TENM4: variants seen among roughly 807,000 people sequenced by gnomAD.
TENM4 encodes teneurin transmembrane protein 4.
In TENM4, 82 loss-of-function variants were observed where a neutral mutation model predicts 243.3. The ratio of observed to expected loss-of-function variants is 0.34; its 90% CI spans 0.28 to 0.40. TENM4 has a LOEUF of 0.40. Among genes scored for constraint, TENM4 ranks in the 10% least tolerant of loss-of-function variants. The pLI, the probability that TENM4 is intolerant of heterozygous loss-of-function variation, is 1.00. For synonymous variants in TENM4, 1,412 were observed against 1,456.3 expected, an observed-to-expected ratio of 0.97 and a Z score of 0.69; for missense variants, 3,138 against 3,673.3, an observed-to-expected ratio of 0.85 and a Z score of 3.77.
chr11:79,115,451 T>G (rs2137116730), intron 4 of TENM4, among the ~76,000 whole-genome samples: 2 of 152,364 alleles, frequency 1.3e-5, no homozygotes, highest in Non-Finnish European at 2.9e-5. Flanking sequence ...CTAGCTCAGG[T>G]CTTCATTTCC....
chr11:78,868,187 A>C (rs1859033799), intron 9 of TENM4, among the ~76,000 whole-genome samples: 1 of 152,146 alleles, frequency 6.6e-6, no homozygotes, highest in Non-Finnish European at 1.5e-5. Flanking sequence ...ATGTTCCCTG[A>C]AGAATGAACG....
At chr11:79,092,986 A>T (rs1003326411) in intron 4 of TENM4, 2 of 152,224 alleles carry the variant, frequency 1.3e-5, no homozygotes, top group Non-Finnish European at 2.9e-5. Context: ...ACAGAATTAC[A>T]TGTCAAGAGT....
chr11:79,071,561 G>C (rs1346211265), intron 4 of TENM4, among the ~76,000 whole-genome samples: 1 of 152,114 alleles, frequency 6.6e-6, no homozygotes, highest in Non-Finnish European at 1.5e-5. Context: ...TTAAAATGTT[G>C]ATCCATTATT....
At chr11:79,422,195 G>A (rs191025460) in intron 1 of TENM4, 43 of 153,428 alleles carry the variant, frequency 2.8e-4, no homozygotes, top group Admixed American at 2.5e-3. Flanking sequence ...AGCTAATGGT[G>A]ACAGGGGCCT....
At chr11:79,121,891 C>T (rs564652817) in intron 4 of TENM4, among the ~76,000 whole-genome samples, 1 of 152,286 alleles carries the variant, frequency 6.6e-6, no homozygotes, top group East Asian at 1.9e-4. Flanking sequence ...AGGATAATAC[C>T]TTTCTTGTTT....
At chr11:79,429,761 G>A (rs868778992) in intron 1 of TENM4, among the ~76,000 whole-genome samples, 5 of 152,224 alleles carry the variant, frequency 3.3e-5, no homozygotes, top group South Asian at 2.1e-4. Context: ...GTGACTTAGT[G>A]GTACCTCAAT....
chr11:78,822,077 A>T (rs1431041867), intron 12 of TENM4, among the ~76,000 whole-genome samples: 1 of 152,228 alleles, frequency 6.6e-6, no homozygotes, highest in Non-Finnish European at 1.5e-5. Context: ...CTACAAAGTC[A>T]TATATTTTCA....
chr11:79,129,910 T>C (rs1427409992), intron 4 of TENM4, among the ~76,000 whole-genome samples: 1 of 152,082 alleles, frequency 6.6e-6, no homozygotes, highest in Non-Finnish European at 1.5e-5. Context: ...AAGTGTCACC[T>C]CCTGGCAGGA....
chr11:79,380,453 C>A (rs1367037816), intron 1 of TENM4, among the ~76,000 whole-genome samples: 3 of 152,138 alleles, frequency 2.0e-5, no homozygotes, highest in Non-Finnish European at 4.4e-5. Context: ...GGCCCACTTG[C>A]TGAGTCAGGT....
intron 1 of TENM4, among the ~76,000 whole-genome samples, chr11:79,318,393 C>T (rs1250401529): frequency 1.3e-5 from 2 of 152,098 alleles, no homozygotes; most frequent in Non-Finnish European, 2.9e-5. Flanking sequence ...TGTCCAAAAA[C>T]GAAACAGCCA....
chr11:78,897,671 T>C (rs1855828753), intron 7 of TENM4, among the ~76,000 whole-genome samples: 1 of 152,066 alleles, frequency 6.6e-6, no homozygotes, highest in Non-Finnish European at 1.5e-5. Context: ...GTGAGCTTCT[T>C]AATAACAGTT....
chr11:78,721,624 G>C (rs561551288), intron 24 of TENM4, among the ~76,000 whole-genome samples: 2 of 152,264 alleles, frequency 1.3e-5, no homozygotes, highest in Admixed American at 6.5e-5. Flanking sequence ...TTTACCAAAG[G>C]GGAATAATAA....
At chr11:79,124,604 T>A (rs933632556) in intron 4 of TENM4, among the ~76,000 whole-genome samples, 2 of 151,032 alleles carry the variant, frequency 1.3e-5, no homozygotes, top group African/African-American at 4.9e-5. Flanking sequence ...TATATATGTG[T>A]GTGTGTGTAT....
intron 1 of TENM4, among the ~76,000 whole-genome samples, chr11:79,350,889 C>T (rs1857403503): frequency 6.6e-6 from 1 of 152,138 alleles, no homozygotes. Flanking sequence ...TCCAATTACC[C>T]TCTATGCTCT....
At chr11:79,136,636 C>T (rs555852526) in intron 4 of TENM4, among the ~76,000 whole-genome samples, 53 of 152,258 alleles carry the variant, frequency 3.5e-4, no homozygotes, top group African/African-American at 1.3e-3. Flanking sequence ...GGTTTGTTCT[C>T]ACTGGAACAG....
At chr11:79,087,839 C>T (rs186926541) in intron 4 of TENM4, among the ~76,000 whole-genome samples, 2 of 152,336 alleles carry the variant, frequency 1.3e-5, no homozygotes, top group Non-Finnish European at 2.9e-5. Context: ...GTATACAGGA[C>T]AAATGCTGTG....
chr11:78,728,354 TCA>T (rs1465473034), intron 22 of TENM4, among the ~76,000 whole-genome samples: 108 of 152,318 alleles, frequency 7.1e-4, no homozygotes, highest in African/African-American at 2.4e-3. Flanking sequence ...AATTTTTGAC[TCA>T]CAGAGTATAA....
At chr11:78,886,971 G>A (rs1855560853) in intron 9 of TENM4, among the ~76,000 whole-genome samples, 1 of 152,148 alleles carries the variant, frequency 6.6e-6, no homozygotes, top group Non-Finnish European at 1.5e-5. Context: ...TTCCTGACTA[G>A]TTGACTGCAA....
At position 79,026,571 on chromosome 11, in the gene TENM4, T is replaced by C. The variant is rs78223230; in HGVS notation, c.493+38167A>G. ...AGACGTCCTAGAACCTAATCAGTGG[T>C]GTTAGAAGTAGTACTTTTAGTGCTT... On this transcript the variant is annotated intron_variant, in intron 6 of 33. Coordinates refer to ENST00000278550, the MANE Select transcript of TENM4 (RefSeq NM_001098816.3). Among the ~76,000 whole-genome samples the C allele has an allele frequency of 3.3e-5, 5 of 152,222 alleles. No homozygotes were observed. The East Asian group carries it at 9.6e-4, about 29-fold the overall frequency.
Sources: gnomAD v4.1 joint callset for allele counts (sites outside exome capture counted in the v4.1 genomes callset) on GRCh38, gnomAD v4.1.1 for gene constraint, MANE v1.5 for transcripts, NCBI Gene and HGNC (gene_info 2026-07-23, HGNC 2026-07-21) for gene names.